TRIM59: variants seen among roughly 807,000 people sequenced by gnomAD.
The protein encoded by TRIM59 is tripartite motif containing 59, also known as tripartite motif-containing protein 59.
A neutral mutation model predicts 32.2 loss-of-function variants in TRIM59; 14 were observed. The observed-to-expected ratio is 0.43, with a 90% CI of 0.29 to 0.68. The LOEUF (loss-of-function observed/expected upper bound fraction) is 0.68, where lower values mean the gene tolerates loss of function less well. Ranked by LOEUF, TRIM59 falls within the 30% of genes least tolerant of loss-of-function variation. The pLI is 0.15. For synonymous variants in TRIM59, 163 were observed against 155.1 expected (o/e 1.05, Z -0.38); for missense variants, 471 against 463.3 (o/e 1.02, Z -0.15).
In TRIM59 at chr3:160,438,355, T is replaced by C. The variant is rs140620378; in HGVS notation, c.829A>G (p.Ile277Val). 7.7e-4 allele frequency: 1,249 copies of C among 1,613,578 alleles called. No homozygotes were observed. Among genetic ancestry groups the C allele is most frequent in the Non-Finnish European group, 1.0e-3 (1,185 of 1,179,818 alleles). ...AATATTTTGCTTACTCGAGGATAAA[T>C]TTCAACGGGTTGAACCTCAGGAAGT... ...RPLPEVQPVE[I>V]YPRVSKILKE... Residue 277 changes from isoleucine (I) to valine (V), a missense_variant, in exon 3 of 3, where the codon ATT (isoleucine) becomes GTT (valine). Ile to Val is a conservative substitution (Grantham distance 29). Coordinates refer to ENST00000309784, the MANE Select transcript of TRIM59 (RefSeq NM_173084.3).
At chr3:160,444,804 AAT>A (rs1453511976) in intron 2 of TRIM59, among the ~76,000 whole-genome samples, 1 of 152,236 alleles carries the variant, frequency 6.6e-6, no homozygotes, top group Non-Finnish European at 1.5e-5. Context: ...AGACATCTTG[AAT>A]ATCTGGCCAG....
At position 160,437,807 on chromosome 3, in the gene TRIM59, T is replaced by C. The variant is rs1185079876; in HGVS notation, c.*165A>G. On this transcript the variant is annotated 3_prime_UTR_variant, in exon 3 of 3. Coordinates refer to ENST00000309784, the MANE Select transcript of TRIM59 (RefSeq NM_173084.3). Reference sequence around the variant, plus strand: ...CCCAAAGATTTGACTATTTCAGATATAACTTTGACATATCATTGCTAACCA... The same window carrying C: ...CCCAAAGATTTGACTATTTCAGATACAACTTTGACATATCATTGCTAACCA... 4.0e-6 allele frequency: 5 copies of C among 1,261,998 alleles called. No homozygotes were observed. Among genetic ancestry groups the C allele is most frequent in the African/African-American group, 1.5e-5 (1 of 64,616 alleles). 78.2% of individuals were successfully genotyped at this position (1,261,998 alleles called of 1,614,324 possible).
At position 160,435,863 on chromosome 3, in the gene TRIM59, CT is replaced by C; in HGVS notation, c.*2108del. The C allele has an allele frequency of 1.0e-6, 1 of 984,542 alleles. No homozygotes were observed. The highest frequency in any genetic ancestry group is 1.3e-5 in the South Asian group (1 of 74,834). The allele number at this position is 984,542 out of a possible 1,614,324, so 61.0% of individuals were successfully genotyped here. A position where few individuals can be genotyped will look rare whatever the true frequency, so the allele number is the denominator to read the frequency against. On this transcript the variant is annotated 3_prime_UTR_variant, in exon 3 of 3. Transcript: ENST00000309784. The stretch of plus-strand genomic sequence containing the variant: ...ATGGGTTTTCTCACAGCTATATGGC[CT>C]TGGACAAGTCACTTGTCAGTTCCCT...
Position 160,438,199 on chromosome 3 carries a change from T to A in TRIM59, c.985A>T (p.Ile329Phe). The A allele has an allele frequency of 2.5e-6, 4 of 1,612,876 alleles. No homozygotes were observed. Among genetic ancestry groups the A allele is most frequent in the Non-Finnish European group, 3.4e-6 (4 of 1,179,680 alleles). ...KDEKEVEFLK[I>F]LNIVVVTLIS... ...AATGTAACTACAACAATGTTTAAAATTTTTAAAAATTCAACTTCCTTTTCA... is the reference window on the plus strand; with the variant it reads ...AATGTAACTACAACAATGTTTAAAAATTTTAAAAATTCAACTTCCTTTTCA... Residue 329 changes from isoleucine (I) to phenylalanine (F), a missense_variant, in exon 3 of 3, where the codon ATT (isoleucine) becomes TTT (phenylalanine). Physicochemically the swap from Ile to Phe is conservative, Grantham distance 21. Transcript: ENST00000309784.
intron 2 of TRIM59, among the ~76,000 whole-genome samples, chr3:160,448,102 A>T (rs550321847): frequency 6.6e-6 from 1 of 152,294 alleles, no homozygotes; most frequent in African/African-American, 2.4e-5. Context: ...TTTCATTTTG[A>T]TATCAACCTG....
chr3:160,447,383 A>G (rs964363809), intron 2 of TRIM59, among the ~76,000 whole-genome samples: 1 of 152,240 alleles, frequency 6.6e-6, no homozygotes, highest in Non-Finnish European at 1.5e-5. Flanking sequence ...GAATCTTCTC[A>G]GAAAGAAACC....
At chr3:160,440,422 AC>A (rs1719182248) in intron 2 of TRIM59, among the ~76,000 whole-genome samples, 1 of 152,180 alleles carries the variant, frequency 6.6e-6, no homozygotes, top group Non-Finnish European at 1.5e-5. Flanking sequence ...GACACAAGTA[AC>A]TTGACCTCTT....
intron 2 of TRIM59, among the ~76,000 whole-genome samples, chr3:160,446,914 C>G (rs1057456526): frequency 6.6e-6 from 1 of 151,210 alleles, no homozygotes; most frequent in African/African-American, 2.4e-5. Flanking sequence ...GCACCACCCA[C>G]CCCCACCCGT....
chr3:160,436,457 C>A lies in TRIM59; in HGVS notation c.*1515G>T, dbSNP rs1161799437. 5 of 985,736 alleles carry A rather than the reference C, an allele frequency of 5.1e-6. No individual in the cohort carries two copies. Among genetic ancestry groups the A allele is most frequent in the Non-Finnish European group, 6.0e-6 (5 of 829,962 alleles). 61.1% of individuals were successfully genotyped at this position (985,736 alleles called of 1,614,324 possible). On this transcript the variant is annotated 3_prime_UTR_variant, in exon 3 of 3. Transcript: ENST00000309784. The stretch of plus-strand genomic sequence containing the variant: ...TAACTCCAGTCCCTGTTAAAGGGAA[C>A]TAAAGGGCTTTGATTTAATTGGCCC...
intron 2 of TRIM59, among the ~76,000 whole-genome samples, chr3:160,444,254 TAAAAG>T (rs982380299): frequency 2.0e-5 from 3 of 152,126 alleles, no homozygotes; most frequent in Admixed American, 6.5e-5. Flanking sequence ...TCTAGAAATA[TAAAAG>T]AAAATACCAA....
In TRIM59 at chr3:160,435,908, T is replaced by C. The variant is rs1353951540; in HGVS notation, c.*2064A>G. On this transcript the variant is annotated 3_prime_UTR_variant, in exon 3 of 3. Transcript: ENST00000309784. Reference sequence around the variant, plus strand: ...GTTCCCTCATCTACAAAAAGGGGGTTAAAAATATTCACATCACAGAAATGA... The same window carrying C: ...GTTCCCTCATCTACAAAAAGGGGGTCAAAAATATTCACATCACAGAAATGA... 7.8e-6 allele frequency: 10 copies of C among 1,274,954 alleles called. No individual in the cohort carries two copies. Among genetic ancestry groups the C allele is most frequent in the African/African-American group, 3.1e-5 (2 of 65,528 alleles). The allele number at this position is 1,274,954 out of a possible 1,614,324, so 79.0% of individuals were successfully genotyped here.
chr3:160,439,221 G>C, intron 2 of TRIM59, 35 bp from the exon 3 acceptor site: 1 of 1,478,326 alleles, frequency 6.8e-7, no homozygotes, highest in Non-Finnish European at 9.0e-7. Context: ...AGTTTACATA[G>C]AGACACCTGT....
At position 160,435,901 on chromosome 3, in the gene TRIM59, A is replaced by G. The variant is rs747635739; in HGVS notation, c.*2071T>C. ...CTTGTCAGTTCCCTCATCTACAAAA[A>G]GGGGGTTAAAAATATTCACATCACA... On this transcript the variant is annotated 3_prime_UTR_variant, in exon 3 of 3. Coordinates refer to ENST00000309784, the MANE Select transcript of TRIM59 (RefSeq NM_173084.3). 4.0e-6 allele frequency: 5 copies of G among 1,249,044 alleles called. No individual in the cohort carries two copies. In the African/African-American group the frequency reaches 6.5e-5, roughly 16 times the overall value. 77.4% of individuals were successfully genotyped at this position (1,249,044 alleles called of 1,614,324 possible). A position where few individuals can be genotyped will look rare whatever the true frequency, so the allele number is the denominator to read the frequency against.
At position 160,437,169 on chromosome 3, in the gene TRIM59, TG is replaced by T; in HGVS notation, c.*802del. ...AAGTTTGAGACCAACCTGGGCAATA[TG>T]GCAAAACCTCGTTTCTACAAAAAAC... On this transcript the variant is annotated 3_prime_UTR_variant, in exon 3 of 3. Coordinates refer to ENST00000309784, the MANE Select transcript of TRIM59 (RefSeq NM_173084.3). 1 of 722,216 alleles carries T rather than the reference TG, an allele frequency of 1.4e-6. No homozygotes were observed. The highest frequency in any genetic ancestry group is 1.7e-6 in the Non-Finnish European group (1 of 590,058). The allele number at this position is 722,216 out of a possible 1,614,324, so 44.7% of individuals were successfully genotyped here. A position where few individuals can be genotyped will look rare whatever the true frequency, so the allele number is the denominator to read the frequency against.
Position 160,438,160 on chromosome 3 carries a change from G to GTATTACT in TRIM59, c.1017_1023dup (p.Leu342SerfsTer19). The GTATTACT allele has an allele frequency of 6.2e-7, 1 of 1,612,148 alleles. No individual in the cohort carries two copies. The highest frequency in any genetic ancestry group is 1.7e-4 in the Middle Eastern group (1 of 6,052). On this transcript the variant is annotated frameshift_variant, in exon 3 of 3. Transcript: ENST00000309784. LOFTEE classifies it high-confidence loss of function. ...TGGTTGAAAAAGAGTATCGACATCA[G>GTATTACT]TATTACTGAAATTAATGTAACTACA...
chr3:160,438,090 G>A lies in TRIM59; in HGVS notation c.1094C>T (p.Ser365Phe). The change falls in exon 3 of 3, where the codon TCT becomes TTT. Residue 365 changes from serine (S) to phenylalanine (F), a missense_variant. Physicochemically the swap from Ser to Phe is radical, Grantham distance 155. Coordinates refer to ENST00000309784, the MANE Select transcript of TRIM59 (RefSeq NM_173084.3). ...TTGGTAAACAGATAGAGAGGCTTCAGAAAACCATATTAAAGTGATTTCACT... is the reference window on the plus strand; with the variant it reads ...TTGGTAAACAGATAGAGAGGCTTCAAAAAACCATATTAAAGTGATTTCACT... ...FLSEITLIWF[S>F]EASLSVYQSL... The A allele has an allele frequency of 6.2e-7, 1 of 1,612,684 alleles. No homozygotes were observed. Among genetic ancestry groups the A allele is most frequent in the South Asian group, 1.1e-5 (1 of 90,566 alleles).
At position 160,436,329 on chromosome 3, in the gene TRIM59, CT is replaced by C. The variant is rs1261156105; in HGVS notation, c.*1642del. 1.8e-5 allele frequency: 18 copies of C among 986,164 alleles called. No individual in the cohort carries two copies. The African/African-American group carries it at 2.3e-4, about 12-fold the overall frequency. The allele number at this position is 986,164 out of a possible 1,614,324, so 61.1% of individuals were successfully genotyped here. ...TTTTTGATTTGATATAGGTAAGGCT[CT>C]TCGGTGATCCAAGAGCAGCCCCTTT... On this transcript the variant is annotated 3_prime_UTR_variant, in exon 3 of 3. Coordinates refer to ENST00000309784, the MANE Select transcript of TRIM59 (RefSeq NM_173084.3).
In TRIM59 at chr3:160,438,070, A is replaced by G; in HGVS notation, c.1114T>C (p.Tyr372His). The G allele has an allele frequency of 1.9e-6, 3 of 1,609,970 alleles. No homozygotes were observed. Among genetic ancestry groups the G allele is most frequent in the Non-Finnish European group, 1.7e-6 (2 of 1,178,926 alleles). The change falls in exon 3 of 3, where the codon TAC becomes CAC. Residue 372 changes from tyrosine to histidine, a missense_variant. Transcript: ENST00000309784. Reference sequence around the variant, plus strand: ...TGCAGACTGTTAGATAAACTTTGGTAAACAGATAGAGAGGCTTCAGAAAAC... The same window carrying G: ...TGCAGACTGTTAGATAAACTTTGGTGAACAGATAGAGAGGCTTCAGAAAAC... Reference protein sequence around the residue: ...IWFSEASLSVYQSLSNSLHKV... With the variant: ...IWFSEASLSVHQSLSNSLHKV...
chr3:160,438,631 C>G lies in TRIM59; in HGVS notation c.553G>C (p.Val185Leu), dbSNP rs941979407. The G allele has an allele frequency of 6.2e-7, 1 of 1,612,336 alleles. No individual in the cohort carries two copies. Among genetic ancestry groups the G allele is most frequent in the African/African-American group, 1.3e-5 (1 of 74,738 alleles). Reference protein sequence around the residue: ...EKMIQGDKEAVLQYFKELNDT... With the variant: ...EKMIQGDKEALLQYFKELNDT... ...TTAAGCTCCTTAAAATACTGGAGAA[C>G]AGCTTCCTTATCGCCTTGGATCATT... Residue 185 changes from valine to leucine, a missense_variant, in exon 3 of 3, where the codon GTT (valine) becomes CTT (leucine). Transcript: ENST00000309784.
Sources: gnomAD v4.1 joint callset for allele counts (sites outside exome capture counted in the v4.1 genomes callset) on GRCh38, gnomAD v4.1.1 for gene constraint, MANE v1.5 for transcripts, NCBI Gene and HGNC (gene_info 2026-07-23, HGNC 2026-07-21) for gene names.